The following CEP170 variants were observed in gnomAD, a reference collection of about 807,000 sequenced individuals.
CEP170 encodes the protein centrosomal protein 170, also known as centrosomal protein of 170 kDa.
Under a neutral mutation model 151.9 loss-of-function variants are expected in CEP170, and 21 were observed. The ratio of observed to expected loss-of-function variants is 0.14; its 90% CI spans 0.10 to 0.20. CEP170 has a LOEUF of 0.20. Among genes scored for constraint, CEP170 ranks in the 10% least tolerant of loss-of-function variants. CEP170 has a pLI of 1.00. For synonymous variants in CEP170, 356 were observed against 648.8 expected (o/e 0.55, Z 6.86); for missense variants, 964 against 1,892.9 (o/e 0.51, Z 9.11).
intron 1 of CEP170, among the ~76,000 whole-genome samples, chr1:243,226,958 C>T (rs1362535750): frequency 6.6e-6 from 1 of 152,182 alleles, no homozygotes; most frequent in Admixed American, 6.5e-5. Flanking sequence ...CACTGCACTT[C>T]ATCCTGGGCA....
chr1:243,247,984 G>C (rs577153898), intron 1 of CEP170, among the ~76,000 whole-genome samples: 5 of 152,186 alleles, frequency 3.3e-5, no homozygotes, highest in Non-Finnish European at 5.9e-5. Flanking sequence ...CTATGAAACA[G>C]CATCGCTTCT....
chr1:243,223,712 A>T lies in CEP170; in HGVS notation c.105+1464T>A, dbSNP rs142125408. 9.8e-4 allele frequency among the ~76,000 whole-genome samples: 150 copies of T among 152,326 alleles called. 1 individual carries two copies. The highest frequency in any genetic ancestry group is 3.4e-3 in the Middle Eastern group (1 of 294). On this transcript the variant is annotated intron_variant, in intron 2 of 19. Coordinates refer to ENST00000366542, the MANE Select transcript of CEP170 (RefSeq NM_014812.3). ...GTGAGGAGTGGGCCTGTTATGTGGG[A>T]TCACAAGAATACATCGTTTGTTTGT...
intron 3 of CEP170, among the ~76,000 whole-genome samples, chr1:243,212,988 A>C (rs1224677181): frequency 6.6e-6 from 1 of 152,214 alleles, no homozygotes; most frequent in African/African-American, 2.4e-5. Context: ...TAGTGGGCAC[A>C]TAAAAAAGGA....
intron 1 of CEP170, among the ~76,000 whole-genome samples, chr1:243,233,753 T>A (rs1312252913): frequency 1.0e-4 from 13 of 124,504 alleles, no homozygotes; most frequent in African/African-American, 3.2e-4. Flanking sequence ...TATATATATA[T>A]ATATATATAT....
In CEP170 at chr1:243,165,289, T is replaced by C; in HGVS notation, c.2671A>G (p.Thr891Ala). The change falls in exon 13 of 20, where the codon ACC becomes GCC. Residue 891 changes from threonine to alanine, a missense_variant. Coordinates refer to ENST00000366542, the MANE Select transcript of CEP170 (RefSeq NM_014812.3). Reference sequence around the variant, plus strand: ...GCTTCTGTGTCTTTTAGAATAAGGGTTGTGTCCATACTAGAATCAGGATCC... The same window carrying C: ...GCTTCTGTGTCTTTTAGAATAAGGGCTGTGTCCATACTAGAATCAGGATCC... ...SLDPDSSMDTTLILKDTEAVM... is the reference protein window; with the variant it reads ...SLDPDSSMDTALILKDTEAVM... 2.0e-6 allele frequency: 3 copies of C among 1,523,036 alleles called. No homozygotes were observed. Among genetic ancestry groups the C allele is most frequent in the Non-Finnish European group, 2.6e-6 (3 of 1,133,356 alleles). The allele number at this position is 1,523,036 out of a possible 1,614,324, so 94.3% of individuals were successfully genotyped here.
At chr1:243,230,045 A>T (rs556872986) in intron 1 of CEP170, among the ~76,000 whole-genome samples, 1 of 152,186 alleles carries the variant, frequency 6.6e-6, no homozygotes, top group East Asian at 1.9e-4. Context: ...CTACCACAAC[A>T]TAATGTTTAA....
intron 15 of CEP170, among the ~76,000 whole-genome samples, chr1:243,140,938 C>T (rs1276632981): frequency 6.6e-6 from 1 of 152,118 alleles, no homozygotes; most frequent in South Asian, 2.1e-4. Context: ...GCCACCAGGA[C>T]GATCCTTAAG....
In CEP170 at chr1:243,126,460, CT is replaced by C. The variant is rs2148126576; in HGVS notation, c.4743del (p.Val1582TyrfsTer25). The C allele has an allele frequency of 6.2e-7, 1 of 1,607,878 alleles. No individual in the cohort carries two copies. Among genetic ancestry groups the C allele is most frequent in the East Asian group, 2.2e-5 (1 of 44,836 alleles). On this transcript the variant is annotated frameshift_variant, in exon 20 of 20. Transcript: ENST00000366542. LOFTEE classifies it high-confidence loss of function. The stretch of plus-strand genomic sequence containing the variant: ...CAATCAAGAGAAAGTCATTCTTGTA[CT>C]GTAACATCTTCCTCTTCCCCATCGG... ...FNPDGEEEDV[T>X]VQE
intron 10 of CEP170, among the ~76,000 whole-genome samples, chr1:243,173,563 C>T (rs2059010156): frequency 1.3e-5 from 2 of 151,206 alleles, no homozygotes; most frequent in African/African-American, 4.9e-5. Context: ...TGGTGAAACC[C>T]CGTTTCTACT....
chr1:243,187,713 C>T (rs1199100087), intron 8 of CEP170, among the ~76,000 whole-genome samples: 1 of 152,044 alleles, frequency 6.6e-6, no homozygotes, highest in South Asian at 2.1e-4. Context: ...TAGGTTGTTC[C>T]TAATGAATTT....
intron 19 of CEP170, among the ~76,000 whole-genome samples, chr1:243,127,203 G>A (rs2053801881): frequency 6.6e-6 from 1 of 152,212 alleles, no homozygotes; most frequent in Middle Eastern, 3.4e-3. Context: ...CATAGAATAC[G>A]GTCATTTAGC....
chr1:243,193,867 T>C (rs542272912), intron 7 of CEP170, among the ~76,000 whole-genome samples: 231 of 151,988 alleles, frequency 1.5e-3, no homozygotes, highest in African/African-American at 5.3e-3. Flanking sequence ...CATAAGATTG[T>C]TGTGAAGATT....
chr1:243,252,625 A>G (rs2066046231), intron 1 of CEP170, among the ~76,000 whole-genome samples: 1 of 152,158 alleles, frequency 6.6e-6, no homozygotes, highest in Non-Finnish European at 1.5e-5. Flanking sequence ...AAATTTCACT[A>G]TTCTAATGTT....
chr1:243,229,988 G>A (rs972945725), intron 1 of CEP170, among the ~76,000 whole-genome samples: 2 of 152,152 alleles, frequency 1.3e-5, no homozygotes, highest in African/African-American at 4.8e-5. Context: ...CCCTCAACAA[G>A]TAAGATTCAG....
At chr1:243,208,925 A>G (rs1269388023) in intron 4 of CEP170, among the ~76,000 whole-genome samples, 17 of 151,872 alleles carry the variant, frequency 1.1e-4, no homozygotes, top group Non-Finnish European at 2.2e-4. Context: ...ATAATTAGGA[A>G]ATGAATAAAC....
intron 13 of CEP170, chr1:243,163,146 T>C (rs68099123): frequency 2.6e-5 from 4 of 152,200 alleles, no homozygotes; most frequent in Non-Finnish European, 5.9e-5. Flanking sequence ...AAAAGTATCA[T>C]ATGCAAAGTA....
chr1:243,209,311 G>C (rs2061619666), intron 4 of CEP170, among the ~76,000 whole-genome samples: 1 of 151,958 alleles, frequency 6.6e-6, no homozygotes, highest in Admixed American at 6.6e-5. Flanking sequence ...TCAGCCTCCT[G>C]AGTAGCTGGG....
At chr1:243,186,948 C>G (rs1040766953) in intron 8 of CEP170, among the ~76,000 whole-genome samples, 3 of 152,132 alleles carry the variant, frequency 2.0e-5, no homozygotes, top group Admixed American at 2.0e-4. Flanking sequence ...CATATTTTTC[C>G]TTTTTATTAA....
intron 18 of CEP170, 160 bp from the exon 19 acceptor site, chr1:243,128,460 A>G (rs2053970718): frequency 1.9e-6 from 1 of 521,592 alleles, no homozygotes; most frequent in Non-Finnish European, 3.2e-6. Flanking sequence ...TATGATATCT[A>G]GCAAACAAGA....
Sources: gnomAD v4.1 joint callset for allele counts (sites outside exome capture counted in the v4.1 genomes callset) on GRCh38, gnomAD v4.1.1 for gene constraint, MANE v1.5 for transcripts, NCBI Gene and HGNC (gene_info 2026-07-23, HGNC 2026-07-21) for gene names.